The following SLC12A1 variants were observed in gnomAD, a reference collection of about 807,000 sequenced individuals.
SLC12A1 encodes Na-K-2Cl cotransporter.
A neutral mutation model predicts 130.4 loss-of-function variants in SLC12A1; 89 were observed. That is an observed-to-expected ratio of 0.68 (90% CI 0.58 to 0.81). The LOEUF is 0.81. Among genes scored for constraint, SLC12A1 ranks in the 40% least tolerant of loss-of-function variants. SLC12A1 has a pLI of 0.00. For missense variants in SLC12A1, 1,310 were observed against 1,336.4 expected (o/e 0.98, Z 0.31); for synonymous variants, 499 against 460.0 (o/e 1.08, Z -1.09).
chr15:48,301,387 G>C lies in SLC12A1; in HGVS notation c.3164+5G>C, dbSNP rs549366827. The C allele has an allele frequency of 5.1e-6, 8 of 1,567,926 alleles. No individual in the cohort carries two copies. The South Asian group carries it at 9.4e-5, about 19-fold the overall frequency. Reference sequence around the variant, plus strand: ...AGCTGCTAATCTCATTGTCCTGTAAGTATCATTGCAAGCATTGAAGAACAT... The same window carrying C: ...AGCTGCTAATCTCATTGTCCTGTAACTATCATTGCAAGCATTGAAGAACAT... On this transcript the variant is annotated splice_donor_5th_base_variant and intron_variant, in intron 26 of 26. Transcript: ENST00000380993.
chr15:48,216,152 A>G (rs984710484), intron 2 of SLC12A1, among the ~76,000 whole-genome samples: 1 of 152,212 alleles, frequency 6.6e-6, no homozygotes, highest in African/African-American at 2.4e-5. Context: ...TGAACACCCT[A>G]CATTGACTAC....
In SLC12A1 at chr15:48,207,909, C is replaced by A. The variant is rs754666663; in HGVS notation, c.190C>A (p.Pro64Thr). 1.2e-5 allele frequency: 19 copies of A among 1,613,838 alleles called. No individual in the cohort carries two copies. Among genetic ancestry groups the A allele is most frequent in the Non-Finnish European group, 1.5e-5 (18 of 1,179,898 alleles). The change falls in exon 2 of 27, where the codon CCT (proline) becomes ACT (threonine). Residue 64 changes from proline to threonine, a missense_variant. Transcript: ENST00000380993. Reference protein sequence around the residue: ...AQKRLRISFRPGNQECYDNFL... With the variant: ...AQKRLRISFRTGNQECYDNFL... ...GAAAAGACTCAGAATCAGCTTTAGG[C>A]CTGGGAATCAGGAGTGCTATGACAA...
chr15:48,215,114 G>T (rs2041104456), intron 2 of SLC12A1, among the ~76,000 whole-genome samples: 1 of 151,710 alleles, frequency 6.6e-6, no homozygotes, highest in Admixed American at 6.6e-5. Flanking sequence ...TATCTAGCTG[G>T]AACTTAAAGA....
intron 24 of SLC12A1, among the ~76,000 whole-genome samples, chr15:48,294,120 C>T (rs1052029256): frequency 1.3e-5 from 2 of 151,668 alleles, no homozygotes; most frequent in African/African-American, 2.4e-5. Flanking sequence ...GAGGCTGAGG[C>T]AGCAGATCAG....
chr15:48,246,442 T>A (rs1342823263), intron 11 of SLC12A1, among the ~76,000 whole-genome samples: 2 of 152,188 alleles, frequency 1.3e-5, no homozygotes, highest in African/African-American at 4.8e-5. Context: ...TATTATCTTA[T>A]AAATAACCAA....
chr15:48,229,003 T>C (rs1293175044), intron 5 of SLC12A1, 186 bp from the exon 6 acceptor site: 10 of 533,174 alleles, frequency 1.9e-5, no homozygotes, highest in Non-Finnish European at 2.9e-5. Flanking sequence ...CTATTGTAGA[T>C]TAAGTACAGA....
chr15:48,227,130 G>T, intron 5 of SLC12A1: 1 of 1,552,214 alleles, frequency 6.4e-7, no homozygotes, highest in Non-Finnish European at 8.7e-7. Flanking sequence ...ACACTCACAG[G>T]TATTTCTATG....
intron 2 of SLC12A1, among the ~76,000 whole-genome samples, chr15:48,218,347 A>G (rs1390209576): frequency 6.6e-6 from 1 of 152,162 alleles, no homozygotes; most frequent in South Asian, 2.1e-4. Flanking sequence ...AATCCTTACA[A>G]AGACAAAGAA....
chr15:48,232,986 G>GTACGT, intron 8 of SLC12A1, 148 bp downstream of exon 8: 1 of 620,278 alleles, frequency 1.6e-6, no homozygotes, highest in East Asian at 2.7e-5. Flanking sequence ...GAAATGGGAA[G>GTACGT]TACGTTGGGG....
chr15:48,293,357 A>G (rs891683509), intron 24 of SLC12A1, among the ~76,000 whole-genome samples: 2 of 152,250 alleles, frequency 1.3e-5, no homozygotes, highest in African/African-American at 2.4e-5. Context: ...TCAATTATTT[A>G]TAGTCTAAAA....
At chr15:48,272,343 G>C (rs2041906795) in intron 19 of SLC12A1, among the ~76,000 whole-genome samples, 1 of 152,160 alleles carries the variant, frequency 6.6e-6, no homozygotes, top group Admixed American at 6.5e-5. Context: ...ATTATTATAA[G>C]ACTATAGTAT....
chr15:48,263,804 C>A (rs375654799), intron 17 of SLC12A1, among the ~76,000 whole-genome samples: 1 of 152,058 alleles, frequency 6.6e-6, no homozygotes, highest in South Asian at 2.1e-4. Flanking sequence ...GCAATCCTCC[C>A]ACCTCAGCCT....
chr15:48,209,659 T>A (rs956473009), intron 2 of SLC12A1, among the ~76,000 whole-genome samples: 9 of 152,188 alleles, frequency 5.9e-5, no homozygotes, highest in African/African-American at 2.2e-4. Flanking sequence ...GGAATACTAC[T>A]CTCAGGAAAG....
At chr15:48,227,190 T>G in intron 5 of SLC12A1, 1 of 1,460,060 alleles carries the variant, frequency 6.8e-7, no homozygotes, top group Non-Finnish European at 9.4e-7. Flanking sequence ...CCAATTAATT[T>G]ACTTATGACT....
intron 19 of SLC12A1, among the ~76,000 whole-genome samples, chr15:48,271,652 T>C (rs1597445078): frequency 6.6e-6 from 1 of 152,196 alleles, no homozygotes; most frequent in South Asian, 2.1e-4. Flanking sequence ...CTTTCTAATG[T>C]GAGGAACCTA....
intron 20 of SLC12A1, among the ~76,000 whole-genome samples, chr15:48,284,402 TTCCAG>T (rs1170820601): frequency 2.6e-5 from 4 of 152,240 alleles, no homozygotes; most frequent in Admixed American, 2.0e-4. Flanking sequence ...ATTTTGTCAC[TTCCAG>T]TTGTAAAACA....
At chr15:48,285,643 A>G (rs1404866479) in intron 21 of SLC12A1, among the ~76,000 whole-genome samples, 1 of 152,234 alleles carries the variant, frequency 6.6e-6, no homozygotes, top group Non-Finnish European at 1.5e-5. Context: ...CTGAAATACG[A>G]CTAGTACATG....
intron 2 of SLC12A1, among the ~76,000 whole-genome samples, chr15:48,219,805 C>T (rs572284666): frequency 6.6e-6 from 1 of 151,912 alleles, no homozygotes; most frequent in African/African-American, 2.4e-5. Flanking sequence ...CTAATCCTAG[C>T]ACTTTGGGAG....
intron 17 of SLC12A1, among the ~76,000 whole-genome samples, chr15:48,262,055 AT>A (rs1158818416): frequency 2.0e-5 from 3 of 152,176 alleles, no homozygotes; most frequent in Non-Finnish European, 2.9e-5. Flanking sequence ...CAATATCATT[AT>A]TTTTGGTATG....
Sources: gnomAD v4.1 joint callset for allele counts (sites outside exome capture counted in the v4.1 genomes callset) on GRCh38, gnomAD v4.1.1 for gene constraint, MANE v1.5 for transcripts, NCBI Gene and HGNC (gene_info 2026-07-23, HGNC 2026-07-21) for gene names.